The following PCDHGA11 variants were observed in gnomAD, a reference collection of about 807,000 sequenced individuals.
The protein encoded by PCDHGA11 is protocadherin gamma-A11.
Under a neutral mutation model 60.4 loss-of-function variants are expected in PCDHGA11, and 39 were observed. The observed-to-expected ratio is 0.65, with a 90% CI of 0.50 to 0.84. PCDHGA11 has a LOEUF of 0.84. PCDHGA11 is among the 40% of genes least tolerant of loss of function. PCDHGA11 has a pLI of 0.00. For missense variants in PCDHGA11, 1,165 were observed against 1,197.7 expected (o/e 0.97, Z 0.40); for synonymous variants, 533 against 510.3 (o/e 1.04, Z -0.60).
At chr5:141,455,186 C>T (rs1436215310) in intron 1 of PCDHGA11, among the ~76,000 whole-genome samples, 3 of 151,542 alleles carry the variant, frequency 2.0e-5, no homozygotes, top group Non-Finnish European at 2.9e-5. Context: ...TTTTATTTCT[C>T]TACAAATTTA....
intron 3 of PCDHGA11, 152 bp from the exon 4 acceptor site, chr5:141,510,795 G>C (rs994874330): frequency 9.3e-5 from 136 of 1,465,100 alleles, no homozygotes; most frequent in Admixed American, 1.7e-4. Flanking sequence ...CTTGTGAAGA[G>C]AGACTACCTT....
intron 1 of PCDHGA11, among the ~76,000 whole-genome samples, chr5:141,471,996 G>A (rs2099268647): frequency 6.6e-6 from 1 of 152,006 alleles, no homozygotes; most frequent in Admixed American, 6.6e-5. Context: ...AAAAATCCCT[G>A]CATCGTATAG....
At chr5:141,500,452 G>C (rs554196222) in intron 2 of PCDHGA11, among the ~76,000 whole-genome samples, 1 of 151,506 alleles carries the variant, frequency 6.6e-6, no homozygotes, top group South Asian at 2.1e-4. Context: ...CTCGTGATCC[G>C]CCCGCCTCGG....
In PCDHGA11 at chr5:141,431,279, C is replaced by G. The variant is rs1163372308; in HGVS notation, c.2433+7619C>G. Reference sequence around the variant, plus strand: ...CTCTCTGCAGAGCTACGAGCTCAGCCCGAACACTCACTTCTCCCTCATCGT... The same window carrying G: ...CTCTCTGCAGAGCTACGAGCTCAGCGCGAACACTCACTTCTCCCTCATCGT... On this transcript the variant is annotated intron_variant, in intron 1 of 3. Coordinates refer to ENST00000398587, the MANE Select transcript of PCDHGA11 (RefSeq NM_018914.3). This position sits in a 1 kb window ranked among gnomAD's most constrained non-coding sequence, Gnocchi z 4.8. 1 of 1,614,028 alleles carries G rather than the reference C, an allele frequency of 6.2e-7. No individual in the cohort carries two copies. Among genetic ancestry groups the G allele is most frequent in the African/African-American group, 1.3e-5 (1 of 74,926 alleles).
rs1474849292 is a variant in PCDHGA11 at position 141,454,205 on chromosome 5, G to T, written c.2433+30545G>T. Among the ~76,000 whole-genome samples, 3 of 152,154 alleles carry T rather than the reference G, an allele frequency of 2.0e-5. No individual in the cohort carries two copies. The East Asian group carries it at 5.8e-4, about 29-fold the overall frequency. ...GGAGCTTAGTGAAGGTGAATTTATT[G>T]ACATGAATGAGAAAAGTAATTGTGA... On this transcript the variant is annotated intron_variant, in intron 1 of 3. Coordinates refer to ENST00000398587, the MANE Select transcript of PCDHGA11 (RefSeq NM_018914.3).
At chr5:141,441,736 T>C in intron 1 of PCDHGA11, 1 of 365,328 alleles carries the variant, frequency 2.7e-6, no homozygotes. Flanking sequence ...CAGGACTAGC[T>C]CGCGCTCGGC....
intron 1 of PCDHGA11, chr5:141,475,814 TC>T: frequency 3.0e-6 from 1 of 338,520 alleles, no homozygotes; most frequent in Non-Finnish European, 5.4e-6. Flanking sequence ...AAAGTGAAGT[TC>T]CTGGCGCTAG....
At position 141,432,458 on chromosome 5, in the gene PCDHGA11, C is replaced by T. The variant is rs1368524835; in HGVS notation, c.2433+8798C>T. 1.9e-6 allele frequency: 3 copies of T among 1,614,136 alleles called. No individual in the cohort carries two copies. The highest frequency in any genetic ancestry group is 8.5e-7 in the Non-Finnish European group (1 of 1,180,066). ...TGCGCCCGAGATCCTGTACCCCGCC[C>T]TCCCCACGGACGGTTCCACTGGCGT... On this transcript the variant is annotated intron_variant, in intron 1 of 3. Transcript: ENST00000398587. This position sits in a 1 kb window ranked among gnomAD's most constrained non-coding sequence, Gnocchi z 6.0.
chr5:141,455,159 G>GTT (rs1390145608), intron 1 of PCDHGA11, among the ~76,000 whole-genome samples: 4 of 144,860 alleles, frequency 2.8e-5, no homozygotes, highest in African/African-American at 7.8e-5. Context: ...TTAGTTTGTT[G>GTT]GTTTTTTTTT....
rs556099456 is a variant in PCDHGA11, at chr5:141,430,033, C to A, written c.2433+6373C>A. ...ACTTGGGTTCTTGTTAAGTGTGATT[C>A]TGATAATGTATACAATCACATATCA... On this transcript the variant is annotated intron_variant, in intron 1 of 3. Coordinates refer to ENST00000398587, the MANE Select transcript of PCDHGA11 (RefSeq NM_018914.3). 1.2e-4 allele frequency among the ~76,000 whole-genome samples: 18 copies of A among 152,184 alleles called. 1 individual carries two copies. In the South Asian group the frequency reaches 3.3e-3, roughly 28 times the overall value.
rs1368226100 is a variant in PCDHGA11, at chr5:141,511,268, C to T, written c.*95C>T. The stretch of plus-strand genomic sequence containing the variant: ...CAGGCCTCAGAGTTTCAGGGCTAAC[C>T]CCCAGAATACTGGTAGGGGCCAAGG... On this transcript the variant is annotated 3_prime_UTR_variant, in exon 4 of 4. Coordinates refer to ENST00000398587, the MANE Select transcript of PCDHGA11 (RefSeq NM_018914.3). 1.9e-6 allele frequency: 3 copies of T among 1,546,408 alleles called. No individual in the cohort carries two copies. The highest frequency in any genetic ancestry group is 2.4e-5 in the East Asian group (1 of 41,246).
intron 1 of PCDHGA11, among the ~76,000 whole-genome samples, chr5:141,444,152 ATTTTTTTTTTTTTTTTTT>A (rs747671382): frequency 4.1e-4 from 14 of 33,898 alleles, no homozygotes; most frequent in South Asian, 2.1e-3. Flanking sequence ...TGTGTACTGG[ATTTTTTTTTTTTTTTTTT>A]TTTTTTTTTT....
At chr5:141,451,185 T>C (rs900513875) in intron 1 of PCDHGA11, among the ~76,000 whole-genome samples, 1 of 152,182 alleles carries the variant, frequency 6.6e-6, no homozygotes, top group Non-Finnish European at 1.5e-5. Context: ...GCCATTGCTG[T>C]GTAACAAATT....
chr5:141,496,554 G>T (rs2099769470), intron 2 of PCDHGA11, among the ~76,000 whole-genome samples: 1 of 152,160 alleles, frequency 6.6e-6, no homozygotes, highest in Non-Finnish European at 1.5e-5. Context: ...TTCTGGGCAT[G>T]CACAGTCCTG....
intron 1 of PCDHGA11, among the ~76,000 whole-genome samples, chr5:141,467,397 TAGAA>T (rs1326936900): frequency 6.6e-6 from 1 of 152,106 alleles, no homozygotes; most frequent in Non-Finnish European, 1.5e-5. Flanking sequence ...AAGTCATAGT[TAGAA>T]AGCCTTTCCC....
At chr5:141,441,849 G>A (rs1192040398) in intron 1 of PCDHGA11, 2 of 345,448 alleles carry the variant, frequency 5.8e-6, no homozygotes, top group Non-Finnish European at 1.1e-5. Context: ...TCTTGGATAT[G>A]GTGCTGCACG....
intron 2 of PCDHGA11, among the ~76,000 whole-genome samples, chr5:141,504,268 T>A (rs539485141): frequency 2.2e-4 from 34 of 152,348 alleles, no homozygotes; most frequent in Admixed American, 1.3e-3. Context: ...AGTATTTTTT[T>A]AAATTATGAA....
intron 1 of PCDHGA11, among the ~76,000 whole-genome samples, chr5:141,451,107 C>G (rs768308463): frequency 1.2e-4 from 18 of 152,118 alleles, no homozygotes; most frequent in Non-Finnish European, 2.4e-4. Context: ...GGATTACAGG[C>G]GTGAGCCACC....
Position 141,431,351 on chromosome 5 carries a change from C to T in PCDHGA11, c.2433+7691C>T, listed in dbSNP as rs1411192998. On this transcript the variant is annotated intron_variant, in intron 1 of 3. Coordinates refer to ENST00000398587, the MANE Select transcript of PCDHGA11 (RefSeq NM_018914.3). The surrounding 1 kb of genome is among the most constrained non-coding windows in gnomAD (Gnocchi z 4.8). ...TAAGTACCCCGAATTGGTGCTGAAACGCGCCCTGGACCGCGAAGAAAAGGC... is the reference window on the plus strand; with the variant it reads ...TAAGTACCCCGAATTGGTGCTGAAATGCGCCCTGGACCGCGAAGAAAAGGC... The T allele has an allele frequency of 1.9e-6, 3 of 1,613,946 alleles. No homozygotes were observed. Among genetic ancestry groups the T allele is most frequent in the African/African-American group, 2.7e-5 (2 of 74,938 alleles).
Sources: allele counts gnomAD v4.1 joint callset (sites outside exome capture counted in the v4.1 genomes callset), GRCh38; gene constraint gnomAD v4.1.1; non-coding constraint Gnocchi (gnomAD v3.1); transcripts MANE v1.5; gene names NCBI Gene and HGNC (gene_info 2026-07-23, HGNC 2026-07-21).